The following ZNF699 variants were observed in gnomAD, a reference collection of about 807,000 sequenced individuals.
ZNF699 encodes hangover homolog.
ZNF699 carries 18 observed loss-of-function variants against 22.5 expected under a neutral mutation model. The observed-to-expected ratio is 0.80, with a 90% CI of 0.55 to 1.19. ZNF699 has a LOEUF of 1.19. Ranked by LOEUF, ZNF699 falls within the 50% of genes most tolerant of loss-of-function variation. ZNF699 has a pLI of 0.00. For synonymous variants in ZNF699, 241 were observed against 262.3 expected (o/e 0.92, Z 0.78); for missense variants, 670 against 763.4 (o/e 0.88, Z 1.44).
intron 2 of ZNF699, among the ~76,000 whole-genome samples, chr19:9,303,508 G>A (rs2066315556): frequency 6.6e-6 from 1 of 152,196 alleles, no homozygotes. Context: ...ATGCTGGGAA[G>A]GGGTGCAGAG....
At chr19:9,306,261 G>A (rs1017415767) in intron 1 of ZNF699, among the ~76,000 whole-genome samples, 8 of 151,912 alleles carry the variant, frequency 5.3e-5, no homozygotes, top group East Asian at 1.9e-4. Context: ...GCGTGGTGGC[G>A]CAAGCCTGTA....
In ZNF699 at chr19:9,296,067, G is replaced by T; in HGVS notation, c.1337C>A (p.Pro446His). Residue 446 changes from proline (P) to histidine (H), a missense_variant, in exon 6 of 6, where the codon CCC becomes CAC. Coordinates refer to ENST00000591998, the MANE Select transcript of ZNF699 (RefSeq NM_198535.3). ...CTTCCCACATTCCTTACATTCATAGGGTTTCTCTCGACTTTGATTTTTCAC... is the reference window on the plus strand; with the variant it reads ...CTTCCCACATTCCTTACATTCATAGTGTTTCTCTCGACTTTGATTTTTCAC... ...THVKNQSREKPYECKECGKAF... is the reference protein window; with the variant it reads ...THVKNQSREKHYECKECGKAF... The T allele has an allele frequency of 6.2e-7, 1 of 1,613,972 alleles. No individual in the cohort carries two copies. The highest frequency in any genetic ancestry group is 1.1e-5 in the South Asian group (1 of 91,070).
At chr19:9,302,599 C>G (rs1215457226) in intron 2 of ZNF699, 95 bp from the exon 3 acceptor site, 18 of 1,358,806 alleles carry the variant, frequency 1.3e-5, no homozygotes, top group Non-Finnish European at 1.8e-5. Context: ...AAATGAGAGT[C>G]AATTCATAGG....
At position 9,297,799 on chromosome 19, in the gene ZNF699, A is replaced by G. The variant is rs559420774; in HGVS notation, c.286+81T>C. On this transcript the variant is annotated intron_variant, in intron 4 of 5. Coordinates refer to ENST00000591998, the MANE Select transcript of ZNF699 (RefSeq NM_198535.3). This position sits in a 1 kb window ranked among gnomAD's most constrained non-coding sequence, Gnocchi z 4.3. ...ATCTGTGGAAGATGAGCTTCCTCAT[A>G]TAAAACAAAGTTTGTTTTTGTTTTT... 1 of 1,116,768 alleles carries G rather than the reference A, an allele frequency of 9.0e-7. No individual in the cohort carries two copies. Among genetic ancestry groups the G allele is most frequent in the East Asian group, 2.4e-5 (1 of 42,436 alleles). 69.2% of individuals were successfully genotyped at this position (1,116,768 alleles called of 1,614,324 possible). A position where few individuals can be genotyped will look rare whatever the true frequency, so the allele number is the denominator to read the frequency against.
chr19:9,299,610 AT>A (rs1275722465), intron 3 of ZNF699, among the ~76,000 whole-genome samples: 1 of 152,120 alleles, frequency 6.6e-6, no homozygotes, highest in Non-Finnish European at 1.5e-5. Flanking sequence ...TGGCAATGAT[AT>A]TTTAGATAAT....
intron 2 of ZNF699, among the ~76,000 whole-genome samples, chr19:9,303,873 A>C (rs1028032679): frequency 6.6e-6 from 1 of 150,788 alleles, no homozygotes; most frequent in Non-Finnish European, 1.5e-5. Context: ...GCTGGAGTGC[A>C]GTGGCGCGAT....
At chr19:9,298,445 C>CA (rs758610688) in intron 3 of ZNF699, among the ~76,000 whole-genome samples, 1,838 of 101,500 alleles carry the variant, frequency 0.018, 23 homozygotes, top group African/African-American at 0.046. Flanking sequence ...GACTCTATCT[C>CA]AAAAAAAAAA....
In ZNF699 at chr19:9,293,098, G is replaced by A. The variant is rs1440802519; in HGVS notation, c.*2377C>T. 7.0e-6 allele frequency among the ~76,000 whole-genome samples: 1 copy of A among 142,006 alleles called. No homozygotes were observed. Among genetic ancestry groups the A allele is most frequent in the Non-Finnish European group, 1.5e-5 (1 of 66,864 alleles). 93.2% of individuals were successfully genotyped at this position (142,006 alleles called of 152,430 possible). A position where few individuals can be genotyped will look rare whatever the true frequency, so the allele number is the denominator to read the frequency against. The stretch of plus-strand genomic sequence containing the variant: ...TTGCAGTGAGCAAGATCACGCCACT[G>A]CACTCCAACCTGGGCACAAGAGTCC... On this transcript the variant is annotated 3_prime_UTR_variant, in exon 6 of 6. Coordinates refer to ENST00000591998, the MANE Select transcript of ZNF699 (RefSeq NM_198535.3).
chr19:9,294,452 G>C lies in ZNF699; in HGVS notation c.*1023C>G, dbSNP rs1032317379. 6 of 152,034 alleles carry C rather than the reference G, an allele frequency of 3.9e-5. No homozygotes were observed. The highest frequency in any genetic ancestry group is 1.5e-4 in the African/African-American group (6 of 41,366). The allele number at this position is 152,034 out of a possible 1,614,324, so 9.4% of individuals were successfully genotyped here. A position where few individuals can be genotyped will look rare whatever the true frequency, so the allele number is the denominator to read the frequency against. ...ACGTCCAGCTATAACATTCAGTTTT[G>C]AGCAAATATTGATCAATGAGTCCAA... On this transcript the variant is annotated 3_prime_UTR_variant, in exon 6 of 6. Coordinates refer to ENST00000591998, the MANE Select transcript of ZNF699 (RefSeq NM_198535.3).
intron 1 of ZNF699, among the ~76,000 whole-genome samples, chr19:9,305,990 C>A (rs2066326369): frequency 6.6e-6 from 1 of 151,024 alleles, no homozygotes; most frequent in African/African-American, 2.4e-5. Context: ...GCGTGAGCCA[C>A]CGCGCCTGGC....
chr19:9,308,046 C>A (rs1398546953), intron 1 of ZNF699, among the ~76,000 whole-genome samples: 3 of 151,492 alleles, frequency 2.0e-5, no homozygotes, highest in Admixed American at 6.6e-5. Flanking sequence ...AGAAAATAAT[C>A]TTTTTTAAAA....
Position 9,295,236 on chromosome 19 carries a change from A to G in ZNF699, c.*239T>C, listed in dbSNP as rs772383142. The G allele has an allele frequency of 6.1e-5, 30 of 489,506 alleles. No homozygotes were observed. The highest frequency in any genetic ancestry group is 8.8e-5 in the Non-Finnish European group (25 of 283,494). 30.3% of individuals were successfully genotyped at this position (489,506 alleles called of 1,614,324 possible). The stretch of plus-strand genomic sequence containing the variant: ...AATCAACGAGCCAGCATTCTACTTT[A>G]AGGATGAGGCACTGATCTTCATTTC... On this transcript the variant is annotated 3_prime_UTR_variant, in exon 6 of 6. Coordinates refer to ENST00000591998, the MANE Select transcript of ZNF699 (RefSeq NM_198535.3).
chr19:9,308,572 G>C (rs553546779), intron 1 of ZNF699, among the ~76,000 whole-genome samples: 2 of 152,068 alleles, frequency 1.3e-5, no homozygotes, highest in Non-Finnish European at 2.9e-5. Flanking sequence ...GGGAGGCGGA[G>C]AGCCCATGAG....
At chr19:9,304,225 A>G (rs531333046) in intron 2 of ZNF699, among the ~76,000 whole-genome samples, 1 of 152,348 alleles carries the variant, frequency 6.6e-6, no homozygotes, top group East Asian at 1.9e-4. Context: ...TGCTCTGGAA[A>G]TGAAATAATT....
Position 9,291,219 on chromosome 19 carries a change from T to A in ZNF699, c.*4256A>T, listed in dbSNP as rs2066264615. 6.6e-6 allele frequency among the ~76,000 whole-genome samples: 1 copy of A among 152,182 alleles called. No homozygotes were observed. Among genetic ancestry groups the A allele is most frequent in the South Asian group, 2.1e-4 (1 of 4,832 alleles). Reference sequence around the variant, plus strand: ...CTCGATATTGTAAAGATGTCAATTATCCTCAGGTTATTTTATAAAACCAAT... The same window carrying A: ...CTCGATATTGTAAAGATGTCAATTAACCTCAGGTTATTTTATAAAACCAAT... On this transcript the variant is annotated 3_prime_UTR_variant, in exon 6 of 6. Coordinates refer to ENST00000591998, the MANE Select transcript of ZNF699 (RefSeq NM_198535.3).
rs150983671 is a variant in ZNF699, at chr19:9,299,414, G to A, written c.176-1424C>T. On this transcript the variant is annotated intron_variant, in intron 3 of 5. Transcript: ENST00000591998. ...CTCCCAAAGTGCTGGGATTACAGGCGTCAGCCACCATGCCTGGCCTGACAT... is the reference window on the plus strand; with the variant it reads ...CTCCCAAAGTGCTGGGATTACAGGCATCAGCCACCATGCCTGGCCTGACAT... Among the ~76,000 whole-genome samples the A allele has an allele frequency of 2.0e-3, 305 of 152,212 alleles. 4 individuals are homozygous for A. Among genetic ancestry groups the A allele is most frequent in the African/African-American group, 4.9e-3 (204 of 41,528 alleles).
rs1325707959 is a variant in ZNF699 at position 9,302,466 on chromosome 19, G to A, written c.87C>T (p.Thr29=). ...GATCCAGCAAAGCCCATTCCTCCTG[G>A]GTAAAGTCCACAGCCACATCCTCAA... is the stretch of plus-strand genomic sequence containing the variant. ...VVFEDVAVDF[T]QEEWALLDLA... Residue 29 remains threonine, a synonymous_variant, in exon 3 of 6, where the codon ACC becomes ACT. Transcript: ENST00000591998. 2.5e-6 allele frequency: 4 copies of A among 1,613,798 alleles called. No homozygotes were observed. The highest frequency in any genetic ancestry group is 3.4e-6 in the Non-Finnish European group (4 of 1,179,860).
Position 9,297,631 on chromosome 19 carries a change from A to G in ZNF699, c.287-152T>C. 1 of 686,392 alleles carries G rather than the reference A, an allele frequency of 1.5e-6. No individual in the cohort carries two copies. Among genetic ancestry groups the G allele is most frequent in the Admixed American group, 3.1e-5 (1 of 32,422 alleles). The allele number at this position is 686,392 out of a possible 1,614,324, so 42.5% of individuals were successfully genotyped here. On this transcript the variant is annotated intron_variant, in intron 4 of 5. Coordinates refer to ENST00000591998, the MANE Select transcript of ZNF699 (RefSeq NM_198535.3). The surrounding 1 kb of genome is among the most constrained non-coding windows in gnomAD (Gnocchi z 4.3). ...GAAGATTGAAACTAACATAACTAAT[A>G]TAGTATTAGGAGAACAAAACAGAAA...
At position 9,293,002 on chromosome 19, in the gene ZNF699, G is replaced by T. The variant is rs1160568213; in HGVS notation, c.*2473C>A. On this transcript the variant is annotated 3_prime_UTR_variant, in exon 6 of 6. Transcript: ENST00000591998. ...AATACAAAAATTAGCCAGGTGTGGT[G>T]GCACACGCCTGTAATCCCAGCTACT... is the stretch of plus-strand genomic sequence containing the variant. Among the ~76,000 whole-genome samples the T allele has an allele frequency of 6.6e-6, 1 of 151,780 alleles. No homozygotes were observed. The highest frequency in any genetic ancestry group is 1.5e-5 in the Non-Finnish European group (1 of 67,964).
Sources: gnomAD v4.1 joint callset for allele counts (sites outside exome capture counted in the v4.1 genomes callset) on GRCh38, gnomAD v4.1.1 for gene constraint, Gnocchi (gnomAD v3.1) non-coding constraint, MANE v1.5 for transcripts, NCBI Gene and HGNC (gene_info 2026-07-23, HGNC 2026-07-21) for gene names.